RPS6KC1: variants seen among roughly 807,000 people sequenced by gnomAD.
The protein encoded by RPS6KC1 is ribosomal protein S6 kinase C1.
RPS6KC1 carries 54 observed loss-of-function variants against 103.8 expected under a neutral mutation model. The ratio of observed to expected loss-of-function variants is 0.52; its 90% CI spans 0.42 to 0.65. The LOEUF (loss-of-function observed/expected upper bound fraction) is 0.65, where lower values mean the gene tolerates loss of function less well. RPS6KC1 is among the 30% of genes least tolerant of loss of function. RPS6KC1 has a pLI of 0.00. For synonymous variants in RPS6KC1, 439 were observed against 438.7 expected, an observed-to-expected ratio of 1.00 and a Z score of -0.01; for missense variants, 1,151 against 1,253.8, an observed-to-expected ratio of 0.92 and a Z score of 1.24.
In RPS6KC1 at chr1:213,174,543, G is replaced by A. The variant is rs538413836; in HGVS notation, c.952-1857G>A. Among the ~76,000 whole-genome samples the A allele has an allele frequency of 3.4e-4, 52 of 151,830 alleles. 1 individual carries two copies. The South Asian group carries it at 0.01, about 30-fold the overall frequency. ...AAATTAGCTGGGCATGGTGGTAGGC[G>A]CCTATAATCCCAGCTACTCAGGAGG... On this transcript the variant is annotated intron_variant, in intron 7 of 14. Transcript: ENST00000366960.
chr1:213,647,475 TA>T, the RPS6KC1 span, among the ~76,000 whole-genome samples: 1 of 152,166 alleles, frequency 6.6e-6, no homozygotes, highest in Non-Finnish European at 1.5e-5. Context: ...AAGGGACCCT[TA>T]GACAGAAAGT....
At chr1:213,224,725 TTC>T (rs1372542503) in intron 8 of RPS6KC1, among the ~76,000 whole-genome samples, 12 of 152,280 alleles carry the variant, frequency 7.9e-5, no homozygotes, top group African/African-American at 2.9e-4. Flanking sequence ...CATGAACAAA[TTC>T]TGTTTGAGGG....
the RPS6KC1 span, among the ~76,000 whole-genome samples, chr1:213,503,006 G>C: frequency 6.6e-6 from 1 of 152,020 alleles, no homozygotes; most frequent in East Asian, 1.9e-4. Flanking sequence ...CAGCTATCTA[G>C]TTATGGTGTC....
chr1:213,066,679 A>G (rs750748370), intron 1 of RPS6KC1, among the ~76,000 whole-genome samples: 1 of 152,156 alleles, frequency 6.6e-6, no homozygotes, highest in East Asian at 1.9e-4. Flanking sequence ...TCTCAGATCC[A>G]TTTCCCTGAC....
intron 5 of RPS6KC1, among the ~76,000 whole-genome samples, chr1:213,125,421 A>G (rs1181489086): frequency 6.6e-6 from 1 of 152,102 alleles, no homozygotes; most frequent in Non-Finnish European, 1.5e-5. Flanking sequence ...TTTGTGATGG[A>G]CAGATGGACA....
the RPS6KC1 span, among the ~76,000 whole-genome samples, chr1:213,550,623 C>T: frequency 5.3e-5 from 8 of 152,106 alleles, no homozygotes; most frequent in Admixed American, 1.3e-4. Flanking sequence ...TTGATGGAAT[C>T]GCAGTAACGC....
the RPS6KC1 span, among the ~76,000 whole-genome samples, chr1:213,675,544 A>G: frequency 6.6e-6 from 1 of 152,116 alleles, no homozygotes; most frequent in Non-Finnish European, 1.5e-5. Flanking sequence ...ACCCCTTTCT[A>G]AGGTATCCTG....
the RPS6KC1 span, among the ~76,000 whole-genome samples, chr1:213,756,128 C>T: frequency 9.7e-4 from 148 of 152,320 alleles, no homozygotes; most frequent in Middle Eastern, 3.4e-3. Flanking sequence ...AGAAATCTTA[C>T]CTGTGAGCTT....
chr1:213,629,944 G>A, the RPS6KC1 span, among the ~76,000 whole-genome samples: 6 of 152,144 alleles, frequency 3.9e-5, no homozygotes, highest in Admixed American at 6.5e-5. Flanking sequence ...AGTTTCTGCC[G>A]AGAGATCAGC....
At position 213,088,726 on chromosome 1, in the gene RPS6KC1, T is replaced by C. The variant is rs116543194; in HGVS notation, c.262+10910T>C. 2.3e-3 allele frequency among the ~76,000 whole-genome samples: 355 copies of C among 152,324 alleles called. 1 individual carries two copies. The highest frequency in any genetic ancestry group is 7.9e-3 in the African/African-American group (328 of 41,570). ...CAAATTACTGTGTGGCTTCTGTCTCTTGATTGAACCCTATATTGATACTCT... is the reference window on the plus strand; with the variant it reads ...CAAATTACTGTGTGGCTTCTGTCTCCTGATTGAACCCTATATTGATACTCT... On this transcript the variant is annotated intron_variant, in intron 3 of 14. Coordinates refer to ENST00000366960, the MANE Select transcript of RPS6KC1 (RefSeq NM_012424.6).
At chr1:213,680,645 A>G in the RPS6KC1 span, among the ~76,000 whole-genome samples, 1 of 152,044 alleles carries the variant, frequency 6.6e-6, no homozygotes, top group South Asian at 2.1e-4. Context: ...CCTTTTTTAT[A>G]CTATTCTTGG....
At chr1:213,724,611 C>T in the RPS6KC1 span, among the ~76,000 whole-genome samples, 2 of 152,116 alleles carry the variant, frequency 1.3e-5, no homozygotes, top group Admixed American at 6.5e-5. Flanking sequence ...AAAAGCCTGA[C>T]AGTTTGAGCC....
chr1:213,519,634 C>T, the RPS6KC1 span, among the ~76,000 whole-genome samples: 1 of 152,126 alleles, frequency 6.6e-6, no homozygotes, highest in Non-Finnish European at 1.5e-5. Context: ...GTACTAGAGA[C>T]CACCCCTCCC....
chr1:213,701,416 A>G, the RPS6KC1 span, among the ~76,000 whole-genome samples: 1 of 151,986 alleles, frequency 6.6e-6, no homozygotes, highest in Non-Finnish European at 1.5e-5. Context: ...CTTGGTCATG[A>G]TGAAGGATCT....
At chr1:213,538,270 C>T in the RPS6KC1 span, among the ~76,000 whole-genome samples, 2 of 152,220 alleles carry the variant, frequency 1.3e-5, no homozygotes, top group Non-Finnish European at 2.9e-5. Context: ...CTGGGCCCAG[C>T]ATCTCCTTCA....
At chr1:213,325,050 T>G in the RPS6KC1 span, among the ~76,000 whole-genome samples, 1 of 152,142 alleles carries the variant, frequency 6.6e-6, no homozygotes, top group Non-Finnish European at 1.5e-5. Context: ...CTGGCCTGCT[T>G]TCTCATGAAT....
chr1:213,498,066 T>C, the RPS6KC1 span, among the ~76,000 whole-genome samples: 2 of 152,160 alleles, frequency 1.3e-5, no homozygotes, highest in African/African-American at 4.8e-5. Context: ...TAAGAGATAA[T>C]TCCTATGCTT....
the RPS6KC1 span, among the ~76,000 whole-genome samples, chr1:213,774,107 C>T: frequency 6.6e-6 from 1 of 152,208 alleles, no homozygotes; most frequent in African/African-American, 2.4e-5. Flanking sequence ...CTTCTAATCC[C>T]TCTCACTGGG....
At chr1:213,621,562 G>A in the RPS6KC1 span, among the ~76,000 whole-genome samples, 818 of 151,498 alleles carry the variant, frequency 5.4e-3, 12 homozygotes, top group African/African-American at 0.019. Context: ...ATTCCCTGAC[G>A]TGTAAAAATA....
Sources: allele counts gnomAD v4.1 joint callset (sites outside exome capture counted in the v4.1 genomes callset), GRCh38; gene constraint gnomAD v4.1.1; transcripts MANE v1.5; gene names NCBI Gene and HGNC (gene_info 2026-07-23, HGNC 2026-07-21).